The following ANKRD30A variants were observed in gnomAD, a reference collection of about 807,000 sequenced individuals.
ANKRD30A encodes the protein ankyrin repeat domain 30A.
ANKRD30A carries 170 observed loss-of-function variants against 166.3 expected under a neutral mutation model. The ratio of observed to expected loss-of-function variants is 1.02; its 90% CI spans 0.90 to 1.16. ANKRD30A has a LOEUF of 1.16. Ranked by LOEUF, ANKRD30A falls within the 50% of genes most tolerant of loss-of-function variation. The pLI is 0.00. For synonymous variants in ANKRD30A, 564 were observed against 508.9 expected, an observed-to-expected ratio of 1.11 and a Z score of -1.46; for missense variants, 1,630 against 1,518.0, an observed-to-expected ratio of 1.07 and a Z score of -1.23.
At chr10:37,184,341 A>T (rs1249953992) in intron 24 of ANKRD30A, 1 of 69,294 alleles carries the variant, frequency 1.4e-5, no homozygotes, top group African/African-American at 5.4e-5. Flanking sequence ...GTTTTTTTTT[A>T]ATTTCTTTTT....
chr10:37,193,813 G>A (rs1019951121), intron 27 of ANKRD30A, among the ~76,000 whole-genome samples: 2 of 152,142 alleles, frequency 1.3e-5, no homozygotes, highest in African/African-American at 4.8e-5. Context: ...TTTGGCCTTG[G>A]TGTCTTTTAA....
intron 4 of ANKRD30A, 86 bp downstream of exon 4, chr10:37,132,432 A>G: frequency 1.3e-6 from 1 of 764,780 alleles, no homozygotes; most frequent in Non-Finnish European, 2.0e-6. Flanking sequence ...AATAACATTT[A>G]CTTAAAATTG....
the ANKRD30A span, among the ~76,000 whole-genome samples, chr10:37,239,246 A>G: frequency 6.6e-6 from 1 of 152,198 alleles, no homozygotes; most frequent in Non-Finnish European, 1.5e-5. Context: ...CAGCTACGTG[A>G]TACTTTCCTT....
In ANKRD30A at chr10:37,165,151, C is replaced by A. The variant is rs770191331; in HGVS notation, c.2060C>A (p.Thr687Asn). ...GACTATGAAGAAAATTCTTGGGATA[C>A]TGAGGTACTGTGTGTTGTTGATTTT... ...QKDYEENSWD[T>N]ESLCETVSQK... Residue 687 changes from threonine (T) to asparagine (N), a missense_variant, in exon 18 of 36, where the codon ACT becomes AAT. Coordinates refer to ENST00000361713, the MANE Select transcript of ANKRD30A (RefSeq NM_052997.3). 2.1e-5 allele frequency: 33 copies of A among 1,606,658 alleles called. No individual in the cohort carries two copies. In the South Asian group the frequency reaches 3.3e-4, roughly 16 times the overall value.
intron 33 of ANKRD30A, among the ~76,000 whole-genome samples, chr10:37,218,365 T>C (rs1842707859): frequency 6.6e-6 from 1 of 150,970 alleles, no homozygotes; most frequent in Non-Finnish European, 1.5e-5. Flanking sequence ...GTCCTGGATG[T>C]AGACTCAGAA....
At chr10:37,214,539 GGTAT>G (rs1031160718) in intron 31 of ANKRD30A, among the ~76,000 whole-genome samples, 19 of 123,682 alleles carry the variant, frequency 1.5e-4, no homozygotes, top group African/African-American at 5.4e-4. Flanking sequence ...TAGTTTTATA[GGTAT>G]ATATATATAT....
intron 31 of ANKRD30A, among the ~76,000 whole-genome samples, chr10:37,213,265 G>T (rs1842430347): frequency 6.6e-6 from 1 of 151,856 alleles, no homozygotes; most frequent in African/African-American, 2.4e-5. Flanking sequence ...TTTGATGTCT[G>T]AATAGGTACC....
intron 1 of ANKRD30A, 126 bp downstream of exon 1, chr10:37,126,134 G>A (rs1328252094): frequency 1.3e-5 from 13 of 1,020,450 alleles, no homozygotes; most frequent in Non-Finnish European, 1.9e-5. Context: ...ACGGGCAGCG[G>A]GGCAGCCATC....
downstream of ANKRD30A, chr10:37,232,697 T>TATATATATATATATATATAA (rs1273812991): frequency 1.3e-5 from 1 of 78,398 alleles, no homozygotes; most frequent in African/African-American, 4.9e-5. Flanking sequence ...TATATATAAA[T>TATATATATATATATATATAA]AGAGAGAGAG....
intron 31 of ANKRD30A, among the ~76,000 whole-genome samples, chr10:37,215,331 C>T (rs532281531): frequency 5.9e-5 from 9 of 151,454 alleles, no homozygotes; most frequent in African/African-American, 2.2e-4. Context: ...GTAAGACCCC[C>T]CCGACCCAGC....
chr10:37,212,931 A>G (rs1282978162), intron 31 of ANKRD30A, among the ~76,000 whole-genome samples: 1 of 151,800 alleles, frequency 6.6e-6, no homozygotes, highest in East Asian at 1.9e-4. Flanking sequence ...ATTCACATAA[A>G]TTTTATATTA....
chr10:37,260,181 G>A, the ANKRD30A span, among the ~76,000 whole-genome samples: 5 of 151,802 alleles, frequency 3.3e-5, no homozygotes, highest in South Asian at 2.1e-4. Context: ...ATAGTGTTGC[G>A]CTTGTTAGTA....
chr10:37,226,519 A>G (rs902087200), intron 34 of ANKRD30A, among the ~76,000 whole-genome samples: 1 of 151,806 alleles, frequency 6.6e-6, no homozygotes, highest in Non-Finnish European at 1.5e-5. Flanking sequence ...AGCAAGTATC[A>G]GCACTTAATT....
chr10:37,135,650 A>C (rs1353319402), intron 5 of ANKRD30A, among the ~76,000 whole-genome samples: 1 of 152,210 alleles, frequency 6.6e-6, no homozygotes, highest in Non-Finnish European at 1.5e-5. Context: ...GCATCATTCT[A>C]TCAAAGATTT....
Position 37,231,463 on chromosome 10 carries a change from C to T in ANKRD30A, c.4188C>T (p.Asn1396=). The T allele has an allele frequency of 6.3e-7, 1 of 1,587,554 alleles. No homozygotes were observed. Among genetic ancestry groups the T allele is most frequent in the South Asian group, 1.2e-5 (1 of 86,844 alleles). Residue 1396 remains asparagine, a splice_region_variant and synonymous_variant, in exon 35 of 36, where the codon AAC becomes AAT. Transcript: ENST00000361713. ...TTTTCCTTTTGCAATCTTCACAGAACTCATGAGAGACAAGCAGTAAGAAAC... is the reference window on the plus strand; with the variant it reads ...TTTTCCTTTTGCAATCTTCACAGAATTCATGAGAGACAAGCAGTAAGAAAC... ...QYEKEKAETE[N]S is the part of the protein sequence containing the mutation.
chr10:37,141,013 A>G (rs1837060137), intron 6 of ANKRD30A, among the ~76,000 whole-genome samples: 1 of 152,212 alleles, frequency 6.6e-6, no homozygotes, highest in Non-Finnish European at 1.5e-5. Context: ...CACTTAACAA[A>G]TAATTGTTAG....
chr10:37,219,654 A>G lies in ANKRD30A; in HGVS notation c.3942A>G (p.Glu1314=). Reference sequence around the variant, plus strand: ...AAGATAATGTGAACAAACACACTGAACAGCAGGAGTCTCTAGATCAGAAAT... The same window carrying G: ...AAGATAATGTGAACAAACACACTGAGCAGCAGGAGTCTCTAGATCAGAAAT... ...NEQDNVNKHT[E]QQESLDQKLF... The change falls in exon 34 of 36, where the codon GAA becomes GAG. Residue 1314 remains glutamate (E), a synonymous_variant. Transcript: ENST00000361713. 5 of 1,610,022 alleles carry G rather than the reference A, an allele frequency of 3.1e-6. No individual in the cohort carries two copies. Among genetic ancestry groups the G allele is most frequent in the Non-Finnish European group, 4.2e-6 (5 of 1,177,506 alleles).
At chr10:37,149,242 T>C (rs1353161508) in intron 9 of ANKRD30A, among the ~76,000 whole-genome samples, 2 of 152,030 alleles carry the variant, frequency 1.3e-5, no homozygotes, top group East Asian at 3.8e-4. Context: ...CAATTCTACA[T>C]TCAGCTGAAC....
intron 11 of ANKRD30A, 98 bp from the exon 12 acceptor site, chr10:37,151,962 A>T (rs1837970336): frequency 1.8e-6 from 2 of 1,114,646 alleles, no homozygotes; most frequent in Non-Finnish European, 2.6e-6. Context: ...ACAGAGGAAA[A>T]ACCACAGATT....
Sources: allele counts gnomAD v4.1 joint callset (sites outside exome capture counted in the v4.1 genomes callset), GRCh38; gene constraint gnomAD v4.1.1; transcripts MANE v1.5; gene names NCBI Gene and HGNC (gene_info 2026-07-23, HGNC 2026-07-21).